Variants in BCAM observed in about 807,000 individuals in gnomAD.
BCAM encodes the protein basal cell adhesion molecule.
BCAM carries 61 observed loss-of-function variants against 72.4 expected under a neutral mutation model. That is an observed-to-expected ratio of 0.84 (90% confidence interval 0.69 to 1.04). BCAM has a LOEUF of 1.04. Among genes scored for constraint, BCAM ranks in the 50% least tolerant of loss-of-function variants. The probability of loss-of-function intolerance (pLI) is 0.00; values close to 1 mark genes in which losing one functional copy is unlikely to be tolerated. For synonymous variants in BCAM, 408 were observed against 384.2 expected, an observed-to-expected ratio of 1.06 and a Z score of -0.73; for missense variants, 909 against 895.0, an observed-to-expected ratio of 1.02 and a Z score of -0.20.
At position 44,821,224 on chromosome 19, in the gene BCAM, C is replaced by T. The variant is rs1968587496; in HGVS notation, c.*303C>T. 5.5e-6 allele frequency: 2 copies of T among 366,542 alleles called. No individual in the cohort carries two copies. The highest frequency in any genetic ancestry group is 9.7e-6 in the Non-Finnish European group (2 of 205,282). 22.7% of individuals were successfully genotyped at this position (366,542 alleles called of 1,614,324 possible). A position where few individuals can be genotyped will look rare whatever the true frequency, so the allele number is the denominator to read the frequency against. On this transcript the variant is annotated 3_prime_UTR_variant, in exon 15 of 15. Coordinates refer to ENST00000270233, the MANE Select transcript of BCAM (RefSeq NM_005581.5). Reference sequence around the variant, plus strand: ...CAGCCTGGGACAAGGCTCCGAGGGTCGGCTGGCCGGAGCTATTTTTACCTC... The same window carrying T: ...CAGCCTGGGACAAGGCTCCGAGGGTTGGCTGGCCGGAGCTATTTTTACCTC...
Position 44,817,853 on chromosome 19 carries a change from G to A in BCAM, c.1079-669G>A, listed in dbSNP as rs28399622. Among the ~76,000 whole-genome samples, 1,192 of 152,240 alleles carry A rather than the reference G, an allele frequency of 7.8e-3. 13 individuals are homozygous for A. Among genetic ancestry groups the A allele is most frequent in the African/African-American group, 0.027 (1,124 of 41,532 alleles). Reference sequence around the variant, plus strand: ...GCCACCGTGCCCGGCCTGACCAGTGGATGTTTTAAAGAGGTCCCTCTAGCT... The same window carrying A: ...GCCACCGTGCCCGGCCTGACCAGTGAATGTTTTAAAGAGGTCCCTCTAGCT... On this transcript the variant is annotated intron_variant, in intron 8 of 14. Coordinates refer to ENST00000270233, the MANE Select transcript of BCAM (RefSeq NM_005581.5).
In BCAM at chr19:44,811,253, A is replaced by T. The variant is rs188580926; in HGVS notation, c.111A>T (p.Val37=). The T allele has an allele frequency of 8.2e-5, 132 of 1,612,326 alleles. No individual in the cohort carries two copies. In the East Asian group the frequency reaches 2.5e-3, roughly 30 times the overall value. ...CCCAGGCGGAGGTGCGCTTGTCTGTACCCCCGCTGGTGGAGGTGATGCGAG... is the reference window on the plus strand; with the variant it reads ...CCCAGGCGGAGGTGCGCTTGTCTGTTCCCCCGCTGGTGGAGGTGATGCGAG... ...PDAQAEVRLS[V]PPLVEVMRGK... The change falls in exon 2 of 15, where the codon GTA becomes GTT. Residue 37 remains valine, a synonymous_variant. Coordinates refer to ENST00000270233, the MANE Select transcript of BCAM (RefSeq NM_005581.5).
intron 8 of BCAM, among the ~76,000 whole-genome samples, chr19:44,817,927 G>A (rs1968524006): frequency 6.6e-6 from 1 of 152,182 alleles, no homozygotes; most frequent in Non-Finnish European, 1.5e-5. Flanking sequence ...TGAAGAGGTG[G>A]TTGGGACAGT....
At chr19:44,817,226 A>G (rs969423133) in intron 8 of BCAM, among the ~76,000 whole-genome samples, 15 of 152,120 alleles carry the variant, frequency 9.9e-5, no homozygotes, top group African/African-American at 3.4e-4. Flanking sequence ...GACAGAGCCA[A>G]ACTCTCTCAA....
chr19:44,820,029 C>CCCTA, intron 13 of BCAM: 1 of 1,277,218 alleles, frequency 7.8e-7, no homozygotes, highest in Non-Finnish European at 9.9e-7. Flanking sequence ...CCTCTCCTGC[C>CCCTA]CCTAGCTCAG....
chr19:44,814,927 TC>T lies in BCAM; in HGVS notation c.1078+170del, dbSNP rs1968485001. On this transcript the variant is annotated intron_variant, in intron 8 of 14. Coordinates refer to ENST00000270233, the MANE Select transcript of BCAM (RefSeq NM_005581.5). This position sits in a 1 kb window ranked among gnomAD's most constrained non-coding sequence, Gnocchi z 4.6. ...TTGGTTGTTTTTTTTTTTTTTTTTT[TC>T]CCAGAGACAGGACCTGGCTACGTTG... Among the ~76,000 whole-genome samples the T allele has an allele frequency of 6.7e-6, 1 of 149,794 alleles. No homozygotes were observed. Among genetic ancestry groups the T allele is most frequent in the African/African-American group, 2.5e-5 (1 of 40,550 alleles).
In BCAM at chr19:44,820,610, C is replaced by A. The variant is rs1213831048; in HGVS notation, c.1764-95C>A. On this transcript the variant is annotated intron_variant, in intron 13 of 14. Coordinates refer to ENST00000270233, the MANE Select transcript of BCAM (RefSeq NM_005581.5). ...CCCCCATCCTCACCTCCATCCCCAG[C>A]CGCATCCTAGTCCCACCCACCCCCA... The A allele has an allele frequency of 3.8e-6, 5 of 1,322,810 alleles. No individual in the cohort carries two copies. In the African/African-American group the frequency reaches 6.1e-5, roughly 16 times the overall value. 81.9% of individuals were successfully genotyped at this position (1,322,810 alleles called of 1,614,324 possible). A position where few individuals can be genotyped will look rare whatever the true frequency, so the allele number is the denominator to read the frequency against.
chr19:44,820,839 G>T lies in BCAM; in HGVS notation c.1881+17G>T. 5 of 1,521,452 alleles carry T rather than the reference G, an allele frequency of 3.3e-6. No individual in the cohort carries two copies. Among genetic ancestry groups the T allele is most frequent in the Non-Finnish European group, 4.4e-6 (5 of 1,134,438 alleles). The allele number at this position is 1,521,452 out of a possible 1,614,324, so 94.2% of individuals were successfully genotyped here. On this transcript the variant is annotated intron_variant, in intron 14 of 14. Coordinates refer to ENST00000270233, the MANE Select transcript of BCAM (RefSeq NM_005581.5). ...GGAGACGAGGTGGGTGAGGGCCTGG[G>T]CCCCCTGGTGAGAGGGACCTGCTGG...
At chr19:44,820,554 C>A in intron 13 of BCAM, 151 bp from the exon 14 acceptor site, 1 of 1,286,360 alleles carries the variant, frequency 7.8e-7, no homozygotes, top group Non-Finnish European at 9.8e-7. Flanking sequence ...CCAGCCCCTA[C>A]CCCATCCCTA....
At position 44,818,447 on chromosome 19, in the gene BCAM, C is replaced by A; in HGVS notation, c.1079-75C>A. The A allele has an allele frequency of 8.2e-7, 1 of 1,212,610 alleles. No individual in the cohort carries two copies. The highest frequency in any genetic ancestry group is 1.2e-6 in the Non-Finnish European group (1 of 839,218). The allele number at this position is 1,212,610 out of a possible 1,614,324, so 75.1% of individuals were successfully genotyped here. ...CCAACTGTCCATTCATGTTTGCACC[C>A]CCGACCGCCCCTGGAGAGCCCCTAA... On this transcript the variant is annotated intron_variant, in intron 8 of 14. Coordinates refer to ENST00000270233, the MANE Select transcript of BCAM (RefSeq NM_005581.5). The surrounding 1 kb of genome is among the most constrained non-coding windows in gnomAD (Gnocchi z 4.6).
intron 11 of BCAM, 54 bp downstream of exon 11, chr19:44,819,246 A>G (rs1599889436): frequency 6.2e-7 from 1 of 1,610,584 alleles, no homozygotes; most frequent in Non-Finnish European, 8.5e-7. Flanking sequence ...CAAGTATCAC[A>G]CCCTCCTTTC....
Position 44,813,288 on chromosome 19 carries a change from C to G in BCAM, c.543C>G (p.Pro181=). The G allele has an allele frequency of 6.2e-7, 1 of 1,614,158 alleles. No individual in the cohort carries two copies. Among genetic ancestry groups the G allele is most frequent in the Non-Finnish European group, 8.5e-7 (1 of 1,180,026 alleles). The change falls in exon 5 of 15, where the codon CCC becomes CCG. Residue 181 remains proline, a synonymous_variant. Transcript: ENST00000270233. The surrounding 1 kb of genome is among the most constrained non-coding windows in gnomAD (Gnocchi z 4.2). The part of the protein sequence containing the change: ...TCNSRNGNPA[P]KITWYRNGQR... ...ACAGCCGGAACGGGAACCCGGCCCC[C>G]AAGATCACGTGGTATCGCAACGGGC...
intron 8 of BCAM, among the ~76,000 whole-genome samples, chr19:44,816,579 T>A (rs1968506068): frequency 6.6e-6 from 1 of 152,054 alleles, no homozygotes; most frequent in South Asian, 2.1e-4. Context: ...GTAGGAAAGA[T>A]CTGGGTGTCC....
chr19:44,809,096 C>T (rs1208102333), upstream of BCAM: 2 of 1,395,902 alleles, frequency 1.4e-6, no homozygotes, highest in Non-Finnish European at 1.9e-6. Flanking sequence ...AGCTGCAGCC[C>T]GGGCTCAGTC....
In BCAM at chr19:44,814,648, G is replaced by C. The variant is rs1459243531; in HGVS notation, c.966G>C (p.Leu322Phe). The stretch of plus-strand genomic sequence containing the variant: ...TGAATGTGAATCTCGAGGGGAACTT[G>C]ACCCTGGAGGGAGTGACCCGGGGCC... ...EVLNVNLEGN[L>F]TLEGVTRGQS... Residue 322 changes from leucine (L) to phenylalanine (F), a missense_variant, in exon 8 of 15, where the codon TTG (leucine) becomes TTC (phenylalanine). By Grantham distance (22) the Leu-to-Phe change is conservative (BLOSUM62 0). Transcript: ENST00000270233. The surrounding 1 kb of genome is among the most constrained non-coding windows in gnomAD (Gnocchi z 4.6). 1.1e-5 allele frequency: 18 copies of C among 1,614,006 alleles called. No homozygotes were observed. Among genetic ancestry groups the C allele is most frequent in the Non-Finnish European group, 1.5e-5 (18 of 1,180,016 alleles).
At position 44,813,079 on chromosome 19, in the gene BCAM, C is replaced by T. The variant is rs984681318; in HGVS notation, c.505-171C>T. Reference sequence around the variant, plus strand: ...GGTCCCTGGAGGATGGTGCTGGAGGCCTGGACTCTTTAGTCTGAGTCGGGG... The same window carrying T: ...GGTCCCTGGAGGATGGTGCTGGAGGTCTGGACTCTTTAGTCTGAGTCGGGG... On this transcript the variant is annotated intron_variant, in intron 4 of 14. Coordinates refer to ENST00000270233, the MANE Select transcript of BCAM (RefSeq NM_005581.5). The surrounding 1 kb of genome is among the most constrained non-coding windows in gnomAD (Gnocchi z 4.2). 2.9e-6 allele frequency: 2 copies of T among 687,342 alleles called. No homozygotes were observed. Among genetic ancestry groups the T allele is most frequent in the African/African-American group, 1.8e-5 (1 of 55,122 alleles). 42.6% of individuals were successfully genotyped at this position (687,342 alleles called of 1,614,324 possible).
chr19:44,821,125 T>A lies in BCAM; in HGVS notation c.*204T>A, dbSNP rs1196724207. The A allele has an allele frequency of 8.6e-6, 3 of 347,680 alleles. No individual in the cohort carries two copies. Among genetic ancestry groups the A allele is most frequent in the Non-Finnish European group, 1.4e-5 (3 of 218,738 alleles). The allele number at this position is 347,680 out of a possible 1,614,324, so 21.5% of individuals were successfully genotyped here. On this transcript the variant is annotated 3_prime_UTR_variant, in exon 15 of 15. Coordinates refer to ENST00000270233, the MANE Select transcript of BCAM (RefSeq NM_005581.5). ...GGGAAGGAGAGGGAGGGTGGGTGGG[T>A]GGGAGGGGGCCTTCCTCCAGGGAAT...
At chr19:44,819,860 C>T in intron 13 of BCAM, 134 bp downstream of exon 13, 2 of 1,424,280 alleles carry the variant, frequency 1.4e-6, no homozygotes, top group Non-Finnish European at 1.8e-6. Context: ...CCATCCCCAA[C>T]CCATCCTCAT....
rs1599886378 is a variant in BCAM, at chr19:44,814,977, A to C, written c.1078+217A>C. 7.1e-6 allele frequency among the ~76,000 whole-genome samples: 1 copy of C among 141,828 alleles called. No individual in the cohort carries two copies. The highest frequency in any genetic ancestry group is 2.6e-5 in the African/African-American group (1 of 37,888). 93.0% of individuals were successfully genotyped at this position (141,828 alleles called of 152,430 possible). On this transcript the variant is annotated intron_variant, in intron 8 of 14. Transcript: ENST00000270233. This position sits in a 1 kb window ranked among gnomAD's most constrained non-coding sequence, Gnocchi z 4.6. ...TGCCCAGGCTGGTCTCGAACTCCTC[A>C]TGCGATCCTCCTGCCTTGCTCTCCC...
Sources: allele counts gnomAD v4.1 joint callset (sites outside exome capture counted in the v4.1 genomes callset), GRCh38; gene constraint gnomAD v4.1.1; non-coding constraint Gnocchi (gnomAD v3.1); transcripts MANE v1.5; gene names NCBI Gene and HGNC (gene_info 2026-07-23, HGNC 2026-07-21).